DAZAP2: variants seen among roughly 807,000 people sequenced by gnomAD.
DAZAP2 encodes DAZ-associated protein 2.
In DAZAP2, 3 loss-of-function variants were observed where a neutral mutation model predicts 16.2. The ratio of observed to expected loss-of-function variants is 0.19; its 90% confidence interval spans 0.08 to 0.48. The LOEUF is 0.48. Among genes scored for constraint, DAZAP2 ranks in the 20% least tolerant of loss-of-function variants. The pLI, the probability that DAZAP2 is intolerant of heterozygous loss-of-function variation, is 0.98. For synonymous variants in DAZAP2, 69 were observed against 77.6 expected, an observed-to-expected ratio of 0.89 and a Z score of 0.58; for missense variants, 172 against 215.9, an observed-to-expected ratio of 0.80 and a Z score of 1.27.
At position 51,238,830 on chromosome 12, in the gene DAZAP2, C is replaced by G. The variant is rs1944597530; in HGVS notation, c.-78C>G. 5.6e-6 allele frequency: 9 copies of G among 1,608,936 alleles called. No homozygotes were observed. Among genetic ancestry groups the G allele is most frequent in the Non-Finnish European group, 7.6e-6 (9 of 1,178,412 alleles). On this transcript the variant is annotated 5_prime_UTR_variant, in exon 1 of 4. Transcript: ENST00000412716. ...TAGGCGGACGGACCATCATGTGACACGGAAGTAGCTCCGAACAGGAAGAGG... is the reference window on the plus strand; with the variant it reads ...TAGGCGGACGGACCATCATGTGACAGGGAAGTAGCTCCGAACAGGAAGAGG...
downstream of DAZAP2, among the ~76,000 whole-genome samples, chr12:51,244,376 T>C (rs1245354797): frequency 6.6e-6 from 1 of 152,202 alleles, no homozygotes; most frequent in Non-Finnish European, 1.5e-5. Context: ...TCTGTACTTT[T>C]AGTAGAGACG....
Position 51,239,584 on chromosome 12 carries a change from G to C in DAZAP2, c.13+664G>C, listed in dbSNP as rs1393128548. On this transcript the variant is annotated intron_variant, in intron 1 of 3. Coordinates refer to ENST00000412716, the MANE Select transcript of DAZAP2 (RefSeq NM_014764.4). Reference sequence around the variant, plus strand: ...ACCTGAGGTCAAGAGTTCGAGACCAGCCTGGCCAACGTGGTGAAACCCCGT... The same window carrying C: ...ACCTGAGGTCAAGAGTTCGAGACCACCCTGGCCAACGTGGTGAAACCCCGT... 2.0e-5 allele frequency: 3 copies of C among 151,846 alleles called. No individual in the cohort carries two copies. The East Asian group carries it at 5.8e-4, about 29-fold the overall frequency. The allele number at this position is 151,846 out of a possible 1,614,324, so 9.4% of individuals were successfully genotyped here. A position where few individuals can be genotyped will look rare whatever the true frequency, so the allele number is the denominator to read the frequency against.
At chr12:51,240,773 A>C (rs1192585378) in intron 2 of DAZAP2, 98 bp from the exon 3 acceptor site, 5 of 1,491,096 alleles carry the variant, frequency 3.4e-6, no homozygotes, top group Non-Finnish European at 4.5e-6. Context: ...TACAAAAAGT[A>C]TAACCTGCAT....
At chr12:51,240,570 G>T in intron 2 of DAZAP2, 109 bp downstream of exon 2, 1 of 1,091,090 alleles carries the variant, frequency 9.2e-7, no homozygotes. Context: ...ATGCTAACAT[G>T]AATAATCTAA....
At chr12:51,246,204 TTTTCGTAAAGATCCTCTTGTTTTCA>T, downstream of DAZAP2, 1 of 1,540,968 alleles carries the variant, frequency 6.5e-7, no homozygotes, top group Non-Finnish European at 8.8e-7. Context: ...TTAGTCACTG[TTTTCGTAAAGATCCTCTTGTTTTCA>T]TTAACTAGTG....
chr12:51,246,160 G>T, downstream of DAZAP2: 1 of 1,607,938 alleles, frequency 6.2e-7, no homozygotes, highest in Non-Finnish European at 8.5e-7. Context: ...TTTCAGGATT[G>T]AGGATGTCTC....
downstream of DAZAP2, chr12:51,245,349 G>A (rs887663535): frequency 1.3e-5 from 2 of 152,642 alleles, no homozygotes; most frequent in Non-Finnish European, 2.9e-5. Flanking sequence ...ATGAGAATCT[G>A]ATTTCTGTAG....
chr12:51,245,847 G>A, downstream of DAZAP2: 1 of 1,415,190 alleles, frequency 7.1e-7, no homozygotes, highest in Middle Eastern at 2.6e-4. Context: ...ATCAATCAAT[G>A]CTTCTCCCTG....
Position 51,242,526 on chromosome 12 carries a change from C to T in DAZAP2, c.*68C>T, listed in dbSNP as rs764700099. On this transcript the variant is annotated 3_prime_UTR_variant, in exon 4 of 4. Transcript: ENST00000412716. ...TTCAGCACTTCTCACAATGTAACTG[C>T]TTTAGTCATATTAACCTGAAGTTGC... The T allele has an allele frequency of 4.8e-5, 78 of 1,613,232 alleles. No homozygotes were observed. Among genetic ancestry groups the T allele is most frequent in the Middle Eastern group, 3.7e-4 (2 of 5,392 alleles).
chr12:51,240,858 C>T lies in DAZAP2; in HGVS notation c.133-13C>T. 1 of 1,609,386 alleles carries T rather than the reference C, an allele frequency of 6.2e-7. No homozygotes were observed. The highest frequency in any genetic ancestry group is 8.5e-7 in the Non-Finnish European group (1 of 1,176,416). ...ATAAAGTAACATTTTGCCTTCTCTT[C>T]TGCCTCTTCTAGCTCTATCGTCCGA... On this transcript the variant is annotated splice_polypyrimidine_tract_variant and intron_variant, in intron 2 of 3. Coordinates refer to ENST00000412716, the MANE Select transcript of DAZAP2 (RefSeq NM_014764.4).
At chr12:51,245,842 T>C, downstream of DAZAP2, 1 of 1,385,676 alleles carries the variant, frequency 7.2e-7, no homozygotes. Flanking sequence ...CCCACATCAA[T>C]CAATGCTTCT....
chr12:51,246,658 G>C, downstream of DAZAP2: 9 of 776,166 alleles, frequency 1.2e-5, no homozygotes, highest in Non-Finnish European at 1.8e-5. Context: ...TTACAAGCCA[G>C]AGTGAGCCCA....
chr12:51,243,613 A>C lies in DAZAP2; in HGVS notation c.*1155A>C. 1.0e-6 allele frequency: 1 copy of C among 985,566 alleles called. No individual in the cohort carries two copies. Among genetic ancestry groups the C allele is most frequent in the Non-Finnish European group, 1.2e-6 (1 of 829,824 alleles). 61.1% of individuals were successfully genotyped at this position (985,566 alleles called of 1,614,324 possible). A position where few individuals can be genotyped will look rare whatever the true frequency, so the allele number is the denominator to read the frequency against. On this transcript the variant is annotated 3_prime_UTR_variant, in exon 4 of 4. Coordinates refer to ENST00000412716, the MANE Select transcript of DAZAP2 (RefSeq NM_014764.4). ...TTATCTTATAATTTCAGTTCATCTAAATTGTGTGTTCTGTACATGTGATGT... is the reference window on the plus strand; with the variant it reads ...TTATCTTATAATTTCAGTTCATCTACATTGTGTGTTCTGTACATGTGATGT...
downstream of DAZAP2, chr12:51,244,840 TTTG>T: frequency 6.6e-6 from 1 of 152,648 alleles, no homozygotes; most frequent in South Asian, 2.1e-4. Flanking sequence ...TTTTTTTTTT[TTTG>T]AGACGGAGTC....
downstream of DAZAP2, chr12:51,245,997 C>T (rs1418984876): frequency 7.4e-6 from 12 of 1,613,816 alleles, no homozygotes; most frequent in African/African-American, 6.7e-5. Flanking sequence ...TCCATCTGGA[C>T]GATGGCACTG....
intron 3 of DAZAP2, 28 bp downstream of exon 3, chr12:51,241,144 C>G (rs1209776119): frequency 6.2e-7 from 1 of 1,608,604 alleles, no homozygotes; most frequent in Admixed American, 1.7e-5. Flanking sequence ...AGAAGAAACT[C>G]AGCCCTTGTG....
chr12:51,239,102 G>C (rs1031987210), intron 1 of DAZAP2, 182 bp downstream of exon 1: 5 of 832,148 alleles, frequency 6.0e-6, no homozygotes, highest in Non-Finnish European at 9.0e-6. Context: ...GCAGCTTGCT[G>C]CCTCCAGGCC....
In DAZAP2 at chr12:51,243,777, TG is replaced by T; in HGVS notation, c.*1320del. 1 of 985,672 alleles carries T rather than the reference TG, an allele frequency of 1.0e-6. No homozygotes were observed. The highest frequency in any genetic ancestry group is 1.2e-6 in the Non-Finnish European group (1 of 829,776). The allele number at this position is 985,672 out of a possible 1,614,324, so 61.1% of individuals were successfully genotyped here. ...GAAGATTTGAATAAAGTGATGAAGT[TG>T]CATTACACCTCACTGCAAGGATTCT... On this transcript the variant is annotated 3_prime_UTR_variant, in exon 4 of 4. Coordinates refer to ENST00000412716, the MANE Select transcript of DAZAP2 (RefSeq NM_014764.4).
chr12:51,239,048 G>C (rs1423013038), intron 1 of DAZAP2, 128 bp downstream of exon 1: 2 of 1,370,458 alleles, frequency 1.5e-6, no homozygotes, highest in Admixed American at 5.1e-5. Context: ...GCCGGCTGCA[G>C]TCCAGGGCGC....
Sources: gnomAD v4.1 joint callset for allele counts (sites outside exome capture counted in the v4.1 genomes callset) on GRCh38, gnomAD v4.1.1 for gene constraint, MANE v1.5 for transcripts, NCBI Gene and HGNC (gene_info 2026-07-23, HGNC 2026-07-21) for gene names.